Variants in KCNIP1 observed in about 807,000 individuals in gnomAD.
KCNIP1 encodes the protein potassium voltage-gated channel interacting protein 1, also known as A-type potassium channel modulatory protein KCNIP1.
KCNIP1 carries 18 observed loss-of-function variants against 33.0 expected under a neutral mutation model. The observed-to-expected ratio is 0.55, with a 90% CI of 0.38 to 0.81. The LOEUF is 0.81. Among genes scored for constraint, KCNIP1 ranks in the 30% least tolerant of loss-of-function variants. KCNIP1 has a pLI of 0.00. For synonymous variants in KCNIP1, 93 were observed against 98.3 expected, an observed-to-expected ratio of 0.95 and a Z score of 0.32; for missense variants, 238 against 271.6, an observed-to-expected ratio of 0.88 and a Z score of 0.87.
At chr5:170,635,322 G>A (rs1561732235) in intron 1 of KCNIP1, among the ~76,000 whole-genome samples, 3 of 152,168 alleles carry the variant, frequency 2.0e-5, no homozygotes, top group Admixed American at 6.5e-5. Flanking sequence ...GAGCCATCAC[G>A]CCCGGCCAAG....
At chr5:170,419,736 A>G (rs1755430168) in intron 1 of KCNIP1, among the ~76,000 whole-genome samples, 1 of 152,252 alleles carries the variant, frequency 6.6e-6, no homozygotes, top group African/African-American at 2.4e-5. Flanking sequence ...GGTGCTGTTA[A>G]TAATTGCATT....
intron 1 of KCNIP1, among the ~76,000 whole-genome samples, chr5:170,598,145 C>T (rs1758532611): frequency 6.6e-6 from 1 of 152,186 alleles, no homozygotes; most frequent in Non-Finnish European, 1.5e-5. Context: ...TGTATTTTAG[C>T]AACAGAATCT....
At chr5:170,383,746 T>C (rs1288928819) in intron 1 of KCNIP1, 1 of 1,614,206 alleles carries the variant, frequency 6.2e-7, no homozygotes. Flanking sequence ...AGCTGACACG[T>C]TGACCCACAG....
chr5:170,428,631 G>A (rs951050898), intron 1 of KCNIP1, among the ~76,000 whole-genome samples: 56 of 152,214 alleles, frequency 3.7e-4, no homozygotes, highest in African/African-American at 1.1e-3. Context: ...CAGTACTCAC[G>A]GGGTGGCTGT....
intron 1 of KCNIP1, among the ~76,000 whole-genome samples, chr5:170,627,933 T>A (rs764505994): frequency 1.3e-5 from 2 of 152,174 alleles, no homozygotes; most frequent in Non-Finnish European, 2.9e-5. Context: ...CTCTCTCTAG[T>A]AAATGTCAAA....
At chr5:170,581,344 T>C (rs556147856) in intron 1 of KCNIP1, among the ~76,000 whole-genome samples, 7 of 152,356 alleles carry the variant, frequency 4.6e-5, no homozygotes, top group Non-Finnish European at 8.8e-5. Context: ...TTAGTTCCAC[T>C]TCCTACACCA....
At chr5:170,558,740 T>G (rs1756927798) in intron 1 of KCNIP1, among the ~76,000 whole-genome samples, 1 of 152,234 alleles carries the variant, frequency 6.6e-6, no homozygotes, top group Non-Finnish European at 1.5e-5. Context: ...TTATTATGTT[T>G]TAATGAACTG....
In KCNIP1 at chr5:170,573,082, G is replaced by T. The variant is rs568650964; in HGVS notation, c.61+68449G>T. Among the ~76,000 whole-genome samples, 198 of 152,318 alleles carry T rather than the reference G, an allele frequency of 1.3e-3. 1 individual carries two copies. The highest frequency in any genetic ancestry group is 4.7e-3 in the African/African-American group (196 of 41,578). On this transcript the variant is annotated intron_variant, in intron 1 of 7. Coordinates refer to ENST00000328939, the MANE Select transcript of KCNIP1 (RefSeq NM_014592.4). ...GTCCCCAGCCCAGAGCTCCCACCTCGGCTCTGGCATTGCTCTCCTATGCAA... is the reference window on the plus strand; with the variant it reads ...GTCCCCAGCCCAGAGCTCCCACCTCTGCTCTGGCATTGCTCTCCTATGCAA...
chr5:170,354,139 G>A (rs1763284000), intron 1 of KCNIP1, among the ~76,000 whole-genome samples: 1 of 152,140 alleles, frequency 6.6e-6, no homozygotes, highest in Non-Finnish European at 1.5e-5. Context: ...TTGAGTAGGC[G>A]GGCACCCAGC....
chr5:170,462,545 G>A (rs989261205), intron 1 of KCNIP1, among the ~76,000 whole-genome samples: 1 of 152,120 alleles, frequency 6.6e-6, no homozygotes, highest in Non-Finnish European at 1.5e-5. Context: ...TGTAAAACTA[G>A]TACAACCACT....
At chr5:170,684,409 G>A (rs1160179107) in intron 1 of KCNIP1, among the ~76,000 whole-genome samples, 1 of 152,146 alleles carries the variant, frequency 6.6e-6, no homozygotes, top group African/African-American at 2.4e-5. Context: ...GCTTTTGGTA[G>A]CTCCAGTGTT....
At chr5:170,480,344 G>GTGTC (rs1554095372) in intron 1 of KCNIP1, among the ~76,000 whole-genome samples, 1 of 151,222 alleles carries the variant, frequency 6.6e-6, no homozygotes, top group South Asian at 2.1e-4. Flanking sequence ...AACTGATAAA[G>GTGTC]TGTCTCCCAA....
At chr5:170,365,015 C>A (rs1257914141) in intron 1 of KCNIP1, among the ~76,000 whole-genome samples, 1 of 152,154 alleles carries the variant, frequency 6.6e-6, no homozygotes, top group East Asian at 1.9e-4. Flanking sequence ...AAACTCTATA[C>A]GCTTTGGCCA....
chr5:170,601,561 G>A (rs1316310190), intron 1 of KCNIP1, among the ~76,000 whole-genome samples: 1 of 152,224 alleles, frequency 6.6e-6, no homozygotes, highest in Non-Finnish European at 1.5e-5. Flanking sequence ...AAAGCCATGC[G>A]AGACGGAAGA....
At chr5:170,472,903 T>A (rs1756769344) in intron 1 of KCNIP1, among the ~76,000 whole-genome samples, 1 of 152,196 alleles carries the variant, frequency 6.6e-6, no homozygotes, top group African/African-American at 2.4e-5. Flanking sequence ...TGTGTGCAAG[T>A]ATCTTTTTCA....
At chr5:170,632,704 T>TG (rs917425072) in intron 1 of KCNIP1, among the ~76,000 whole-genome samples, 2 of 152,336 alleles carry the variant, frequency 1.3e-5, no homozygotes, top group African/African-American at 4.8e-5. Flanking sequence ...GTGCCTTCTC[T>TG]GGGGGGACAT....
chr5:170,624,989 C>T (rs1420888852), intron 1 of KCNIP1, among the ~76,000 whole-genome samples: 3 of 152,106 alleles, frequency 2.0e-5, no homozygotes, highest in Non-Finnish European at 4.4e-5. Flanking sequence ...TTCCCTGGGG[C>T]ACTATAGCAG....
intron 1 of KCNIP1, among the ~76,000 whole-genome samples, chr5:170,605,921 C>T (rs552948490): frequency 2.9e-4 from 44 of 152,026 alleles, no homozygotes; most frequent in Non-Finnish European, 4.4e-4. Flanking sequence ...ATTACAGGCA[C>T]GTACCACCAC....
At chr5:170,721,800 C>T (rs1348384160) in intron 3 of KCNIP1, 33 bp from the exon 4 acceptor site, 6 of 1,614,062 alleles carry the variant, frequency 3.7e-6, no homozygotes, top group Non-Finnish European at 4.2e-6. Flanking sequence ...GAATTCCTGC[C>T]CCCATCACCT....
Sources: allele counts gnomAD v4.1 joint callset (sites outside exome capture counted in the v4.1 genomes callset), GRCh38; gene constraint gnomAD v4.1.1; transcripts MANE v1.5; gene names NCBI Gene and HGNC (gene_info 2026-07-23, HGNC 2026-07-21).